SRPK2: variants seen among roughly 807,000 people sequenced by gnomAD.
SRPK2 encodes SRSF protein kinase 2.
Under a neutral mutation model 90.8 loss-of-function variants are expected in SRPK2, and 21 were observed. The observed-to-expected ratio is 0.23, with a 90% CI of 0.16 to 0.33. The LOEUF (loss-of-function observed/expected upper bound fraction) is 0.33. SRPK2 is among the 10% of genes least tolerant of loss of function. SRPK2 has a pLI of 1.00. For synonymous variants in SRPK2, 288 were observed against 311.1 expected (o/e 0.93, Z 0.78); for missense variants, 620 against 869.0 (o/e 0.71, Z 3.60).
intron 3 of SRPK2, among the ~76,000 whole-genome samples, chr7:105,176,743 GTGTATA>G (rs1791986396): frequency 2.2e-5 from 2 of 92,926 alleles, no homozygotes; most frequent in Non-Finnish European, 4.2e-5. Context: ...GTATGTATGT[GTGTATA>G]TGTGTGTGTG....
chr7:105,257,954 A>C (rs1803568590), intron 2 of SRPK2, among the ~76,000 whole-genome samples: 1 of 151,996 alleles, frequency 6.6e-6, no homozygotes, highest in Non-Finnish European at 1.5e-5. Context: ...AAAAATACAA[A>C]AAGTTAGCCA....
chr7:105,140,370 G>T (rs1317317388), intron 11 of SRPK2, among the ~76,000 whole-genome samples: 2 of 152,152 alleles, frequency 1.3e-5, no homozygotes, highest in African/African-American at 4.8e-5. Flanking sequence ...GGAGGCTGGG[G>T]AGGGCAGATC....
At chr7:105,307,328 CG>C (rs745480788) in intron 2 of SRPK2, among the ~76,000 whole-genome samples, 203 of 152,160 alleles carry the variant, frequency 1.3e-3, no homozygotes, top group Admixed American at 2.0e-3. Context: ...AATTCTATGA[CG>C]TTTTTAAAAG....
rs192256672 is a variant in SRPK2 at position 105,338,425 on chromosome 7, T to G, written c.71+50223A>C. Among the ~76,000 whole-genome samples the G allele has an allele frequency of 1.8e-4, 28 of 152,282 alleles. No homozygotes were observed. The East Asian group carries it at 5.4e-3, about 29-fold the overall frequency. Reference sequence around the variant, plus strand: ...ACGGCTGACTGATTTTTTTGTAATTTTAGTGGAGTCGGGGTTTCACTATCT... The same window carrying G: ...ACGGCTGACTGATTTTTTTGTAATTGTAGTGGAGTCGGGGTTTCACTATCT... On this transcript the variant is annotated intron_variant, in intron 2 of 15. Transcript: ENST00000393651.
intron 2 of SRPK2, among the ~76,000 whole-genome samples, chr7:105,233,860 T>A (rs1029206747): frequency 6.6e-6 from 1 of 151,696 alleles, no homozygotes; most frequent in African/African-American, 2.4e-5. Context: ...TCAAAAAAAA[T>A]GAAAAATGAA....
At chr7:105,388,096 G>A (rs1343068810) in intron 2 of SRPK2, among the ~76,000 whole-genome samples, 4 of 152,192 alleles carry the variant, frequency 2.6e-5, no homozygotes, top group African/African-American at 9.6e-5. Flanking sequence ...CACGCCCGAG[G>A]CAAACCACTT....
intron 2 of SRPK2, among the ~76,000 whole-genome samples, chr7:105,276,573 TAAAAAAA>T (rs111355343): frequency 7.3e-6 from 1 of 137,572 alleles, no homozygotes; most frequent in African/African-American, 2.7e-5. Context: ...CTTCATCTCT[TAAAAAAA>T]AAAAAAAAAT....
chr7:105,323,981 G>C (rs1439692010), intron 2 of SRPK2, among the ~76,000 whole-genome samples: 1 of 72,860 alleles, frequency 1.4e-5, no homozygotes, highest in Admixed American at 1.6e-4. Context: ...GTGTGTGTGT[G>C]TGTGTGTGTG....
intron 15 of SRPK2, among the ~76,000 whole-genome samples, chr7:105,124,117 CCA>C (rs1800784757): frequency 6.6e-6 from 1 of 152,154 alleles, no homozygotes; most frequent in Admixed American, 6.5e-5. Flanking sequence ...CCATTTATGG[CCA>C]CACGCAGGCC....
At chr7:105,347,633 C>T (rs996739490) in intron 2 of SRPK2, among the ~76,000 whole-genome samples, 1 of 151,958 alleles carries the variant, frequency 6.6e-6, no homozygotes, top group South Asian at 2.1e-4. Context: ...GCGGGAGGAT[C>T]GCTTGAGTCC....
intron 3 of SRPK2, among the ~76,000 whole-genome samples, chr7:105,176,299 T>A (rs1791836967): frequency 6.6e-6 from 1 of 152,088 alleles, no homozygotes; most frequent in Non-Finnish European, 1.5e-5. Flanking sequence ...CAATTCTCAA[T>A]GAAGCAGGAA....
At chr7:105,157,949 C>T (rs1806777094) in intron 7 of SRPK2, among the ~76,000 whole-genome samples, 1 of 151,956 alleles carries the variant, frequency 6.6e-6, no homozygotes, top group African/African-American at 2.4e-5. Flanking sequence ...GCCTGCAGTC[C>T]CAGCTACTAG....
chr7:105,287,359 G>C (rs1356041113), intron 2 of SRPK2, among the ~76,000 whole-genome samples: 1 of 149,640 alleles, frequency 6.7e-6, no homozygotes, highest in Non-Finnish European at 1.5e-5. Flanking sequence ...GTAGCTTGTA[G>C]AATACCCAGA....
At chr7:105,291,454 C>G (rs1032760078) in intron 2 of SRPK2, among the ~76,000 whole-genome samples, 2 of 152,112 alleles carry the variant, frequency 1.3e-5, no homozygotes. Flanking sequence ...TGAGGCTGGG[C>G]ACAGTGGCTC....
At chr7:105,294,215 A>G (rs7805928) in intron 2 of SRPK2, among the ~76,000 whole-genome samples, 66,105 of 152,092 alleles carry the variant, frequency 0.43, 15,700 homozygotes, top group South Asian at 0.54. Context: ...CCGCAGTTTG[A>G]ACAAAAGTTC....
intron 2 of SRPK2, 39 bp downstream of exon 2, chr7:105,388,609 C>T: frequency 6.5e-7 from 1 of 1,537,214 alleles, no homozygotes; most frequent in Non-Finnish European, 8.8e-7. Flanking sequence ...CCCGACGGGG[C>T]GGGGGTGGGG....
intron 7 of SRPK2, among the ~76,000 whole-genome samples, chr7:105,158,055 A>G (rs1806794742): frequency 6.6e-6 from 1 of 152,116 alleles, no homozygotes; most frequent in Non-Finnish European, 1.5e-5. Context: ...ACAGAGGAAG[A>G]CCCTGTCTCA....
chr7:105,335,808 TAGCCA>T (rs1226963465), intron 2 of SRPK2, among the ~76,000 whole-genome samples: 4 of 151,442 alleles, frequency 2.6e-5, no homozygotes, highest in African/African-American at 4.9e-5. Context: ...AACAAAAAAT[TAGCCA>T]AGCGTGGTGG....
intron 3 of SRPK2, among the ~76,000 whole-genome samples, chr7:105,195,437 T>C (rs192626678): frequency 1.4e-4 from 21 of 152,368 alleles, no homozygotes; most frequent in Admixed American, 1.2e-3. Flanking sequence ...GTGGGGATTT[T>C]TGGTAATATT....
Sources: allele counts gnomAD v4.1 joint callset (sites outside exome capture counted in the v4.1 genomes callset), GRCh38; gene constraint gnomAD v4.1.1; transcripts MANE v1.5; gene names NCBI Gene and HGNC (gene_info 2026-07-23, HGNC 2026-07-21).